The following LY86 variants were observed in gnomAD, a reference collection of about 807,000 sequenced individuals.
The protein encoded by LY86 is lymphocyte antigen 86.
In LY86, 20 loss-of-function variants were observed where a neutral mutation model predicts 17.3. The ratio of observed to expected loss-of-function variants is 1.15; its 90% CI spans 0.81 to 1.68. The LOEUF (loss-of-function observed/expected upper bound fraction) is 1.68, where lower values mean the gene tolerates loss of function less well. Among genes scored for constraint, LY86 ranks in the 40% most tolerant of loss-of-function variants. The probability of loss-of-function intolerance (pLI) is 0.00; values close to 1 mark genes in which losing one functional copy is unlikely to be tolerated. For synonymous variants in LY86, 74 were observed against 70.6 expected, an observed-to-expected ratio of 1.05 and a Z score of -0.24; for missense variants, 200 against 191.9, an observed-to-expected ratio of 1.04 and a Z score of -0.25.
intron 4 of LY86, among the ~76,000 whole-genome samples, chr6:6,651,000 C>T (rs1271410176): frequency 1.3e-5 from 2 of 152,202 alleles, no homozygotes; most frequent in East Asian, 1.9e-4. Context: ...GCTTATTTCA[C>T]TTAAGATAAT....
rs1207511602 is a variant in LY86 at position 6,603,603 on chromosome 6, C to CAAAAAAAAAAAAAAAAAAAAA, written c.136+14734_136+14735insAAAAAAAAAAAAAAAAAAAAA. On this transcript the variant is annotated intron_variant, in intron 1 of 4. Coordinates refer to ENST00000230568, the MANE Select transcript of LY86 (RefSeq NM_004271.4). Reference sequence around the variant, plus strand: ...CCAAAGCCAAAAACAAAAACAGAAACAGAAAAAAAAACAAACAAAAAAAAA... The same window carrying CAAAAAAAAAAAAAAAAAAAAA: ...CCAAAGCCAAAAACAAAAACAGAAACAAAAAAAAAAAAAAAAAAAAAAGAAAAAAAAACAAACAAAAAAAAA... Among the ~76,000 whole-genome samples, 261 of 70,104 alleles carry CAAAAAAAAAAAAAAAAAAAAA rather than the reference C, an allele frequency of 3.7e-3. 3 individuals are homozygous for CAAAAAAAAAAAAAAAAAAAAA. Among genetic ancestry groups the CAAAAAAAAAAAAAAAAAAAAA allele is most frequent in the Non-Finnish European group, 6.4e-3 (198 of 30,908 alleles). 46.0% of individuals were successfully genotyped at this position (70,104 alleles called of 152,430 possible). A position where few individuals can be genotyped will look rare whatever the true frequency, so the allele number is the denominator to read the frequency against.
intron 1 of LY86, among the ~76,000 whole-genome samples, chr6:6,595,564 GCC>G (rs1304385625): frequency 3.3e-5 from 5 of 151,420 alleles, no homozygotes; most frequent in African/African-American, 1.2e-4. Flanking sequence ...CCAGAACTGG[GCC>G]AATTTGGCTC....
At chr6:6,650,569 G>A (rs553162029) in intron 4 of LY86, among the ~76,000 whole-genome samples, 2 of 152,162 alleles carry the variant, frequency 1.3e-5, no homozygotes, top group African/African-American at 4.8e-5. Context: ...TCCTGACCTC[G>A]TGATCCACCC....
At chr6:6,599,356 G>A (rs1290131999) in intron 1 of LY86, among the ~76,000 whole-genome samples, 2 of 152,214 alleles carry the variant, frequency 1.3e-5, no homozygotes, top group African/African-American at 4.8e-5. Flanking sequence ...ACCAGCAGAA[G>A]AAACTTGAGC....
intron 1 of LY86, chr6:6,621,062 A>G (rs1272994927): frequency 6.6e-6 from 1 of 152,228 alleles, no homozygotes; most frequent in Non-Finnish European, 1.5e-5. Flanking sequence ...CTTGGGTGGA[A>G]GCCATAGAAG....
intron 1 of LY86, among the ~76,000 whole-genome samples, chr6:6,605,149 C>T (rs976563686): frequency 4.0e-5 from 6 of 151,732 alleles, no homozygotes; most frequent in African/African-American, 1.2e-4. Flanking sequence ...AGCAAAGTAG[C>T]AACTTTATCA....
At chr6:6,590,700 G>T (rs1312063063) in intron 1 of LY86, among the ~76,000 whole-genome samples, 1 of 152,162 alleles carries the variant, frequency 6.6e-6, no homozygotes, top group Non-Finnish European at 1.5e-5. Flanking sequence ...GGGAGATGGG[G>T]GCAAAATGCC....
chr6:6,625,167 T>C (rs892067746), intron 2 of LY86, among the ~76,000 whole-genome samples, 155 bp downstream of exon 2: 3 of 152,196 alleles, frequency 2.0e-5, no homozygotes, highest in Admixed American at 1.3e-4. Flanking sequence ...CATTTTCAAA[T>C]CTTTCTCTGG....
At chr6:6,611,841 T>C (rs1472360969) in intron 1 of LY86, among the ~76,000 whole-genome samples, 2 of 152,170 alleles carry the variant, frequency 1.3e-5, no homozygotes, top group African/African-American at 4.8e-5. Context: ...CTTTTGTCTC[T>C]CCTGTCAATC....
chr6:6,618,131 G>A (rs1363748350), intron 1 of LY86, among the ~76,000 whole-genome samples: 2 of 152,192 alleles, frequency 1.3e-5, no homozygotes, highest in East Asian at 1.9e-4. Flanking sequence ...CTGAGCCACC[G>A]CGCCTGGCTA....
In LY86 at chr6:6,649,220, G is replaced by A. The variant is rs924704085; in HGVS notation, c.353-405G>A. On this transcript the variant is annotated intron_variant, in intron 3 of 4. Transcript: ENST00000230568. ...GATCTCATGCGACTTATTCACTATCGTGAGAACATCACAGGTAAAATCCAC... is the reference window on the plus strand; with the variant it reads ...GATCTCATGCGACTTATTCACTATCATGAGAACATCACAGGTAAAATCCAC... 4.6e-5 allele frequency among the ~76,000 whole-genome samples: 7 copies of A among 152,166 alleles called. No individual in the cohort carries two copies. The East Asian group carries it at 5.8e-4, about 13-fold the overall frequency.
chr6:6,598,094 T>A (rs1047622348), intron 1 of LY86, among the ~76,000 whole-genome samples: 6 of 152,228 alleles, frequency 3.9e-5, no homozygotes, highest in Non-Finnish European at 7.3e-5. Context: ...TTTTTAAATA[T>A]CCCTTTAAAC....
chr6:6,588,965 G>A (rs1391544795), intron 1 of LY86, 95 bp downstream of exon 1: 17 of 1,473,544 alleles, frequency 1.2e-5, no homozygotes, highest in Non-Finnish European at 1.5e-5. Context: ...GGTGGGAGGG[G>A]AGAGGGGACC....
rs776819429 is a variant in LY86, at chr6:6,653,849, C to A, written c.406-695C>A. Among the ~76,000 whole-genome samples, 76 of 152,226 alleles carry A rather than the reference C, an allele frequency of 5.0e-4. 1 individual carries two copies. Among genetic ancestry groups the A allele is most frequent in the Non-Finnish European group, 8.8e-5 (6 of 68,034 alleles). ...GTTCTTTCAAAATCTCTCTGGCACC[C>A]AAAGCCTTCCCCCACCTCCACCTCT... On this transcript the variant is annotated intron_variant, in intron 4 of 4. Coordinates refer to ENST00000230568, the MANE Select transcript of LY86 (RefSeq NM_004271.4).
At chr6:6,649,413 C>T (rs554156439) in intron 3 of LY86, among the ~76,000 whole-genome samples, 1 of 152,214 alleles carries the variant, frequency 6.6e-6, no homozygotes, top group Non-Finnish European at 1.5e-5. Context: ...CCAGGGCCTG[C>T]CACATGGAAG....
intron 3 of LY86, among the ~76,000 whole-genome samples, chr6:6,633,551 C>G (rs1207170253): frequency 6.6e-6 from 1 of 152,082 alleles, no homozygotes; most frequent in African/African-American, 2.4e-5. Flanking sequence ...AGCCCAACGT[C>G]TATTAGCTAT....
intron 1 of LY86, among the ~76,000 whole-genome samples, chr6:6,604,988 T>C (rs1373957766): frequency 6.6e-6 from 1 of 151,932 alleles, no homozygotes; most frequent in East Asian, 1.9e-4. Flanking sequence ...CAATTCTACA[T>C]ACAGTATAGT....
At chr6:6,605,685 C>CA (rs1300519277) in intron 1 of LY86, among the ~76,000 whole-genome samples, 1 of 152,218 alleles carries the variant, frequency 6.6e-6, no homozygotes, top group Non-Finnish European at 1.5e-5. Flanking sequence ...CTTCATCTCA[C>CA]GGACTTAAAG....
At chr6:6,606,788 G>A (rs998027515) in intron 1 of LY86, among the ~76,000 whole-genome samples, 1 of 152,264 alleles carries the variant, frequency 6.6e-6, no homozygotes, top group Non-Finnish European at 1.5e-5. Flanking sequence ...CGCAGCCCGG[G>A]TTCCCGCTTA....
Sources: gnomAD v4.1 joint callset for allele counts (sites outside exome capture counted in the v4.1 genomes callset) on GRCh38, gnomAD v4.1.1 for gene constraint, MANE v1.5 for transcripts, NCBI Gene and HGNC (gene_info 2026-07-23, HGNC 2026-07-21) for gene names.